Variants in MEIS2 observed in about 807,000 individuals in gnomAD.
The protein encoded by MEIS2 is Meis homeobox 2.
MEIS2 carries 9 observed loss-of-function variants against 58.6 expected under a neutral mutation model. The observed-to-expected ratio is 0.15, with a 90% confidence interval of 0.09 to 0.27. The LOEUF is 0.27. Among genes scored for constraint, MEIS2 ranks in the 10% least tolerant of loss-of-function variants. MEIS2 has a pLI of 1.00. For missense variants in MEIS2, 427 were observed against 635.0 expected (o/e 0.67, Z 3.52); for synonymous variants, 221 against 228.4 (o/e 0.97, Z 0.29).
chr15:37,038,327 G>T (rs1439867163), intron 7 of MEIS2, among the ~76,000 whole-genome samples: 1 of 152,170 alleles, frequency 6.6e-6, no homozygotes. Context: ...CAGCCATCCT[G>T]CCCACTGGGC....
intron 9 of MEIS2, among the ~76,000 whole-genome samples, chr15:36,940,417 T>C (rs1238866880): frequency 6.6e-6 from 1 of 152,114 alleles, no homozygotes; most frequent in East Asian, 1.9e-4. Context: ...CCAGTCTCGC[T>C]CCTCCCTGCA....
intron 8 of MEIS2, among the ~76,000 whole-genome samples, chr15:36,964,192 A>G (rs564251819): frequency 2.6e-5 from 4 of 152,248 alleles, no homozygotes; most frequent in Non-Finnish European, 4.4e-5. Flanking sequence ...CTAGATGTTT[A>G]CAAAAAAATG....
chr15:36,955,045 C>T (rs2122497), intron 8 of MEIS2, among the ~76,000 whole-genome samples: 34,481 of 152,110 alleles, frequency 0.23, 5,642 homozygotes, highest in East Asian at 0.78. Flanking sequence ...AGGGTACAGG[C>T]AGACATGCCA....
intron 7 of MEIS2, among the ~76,000 whole-genome samples, chr15:37,042,620 G>A (rs1376318045): frequency 6.6e-6 from 1 of 152,194 alleles, no homozygotes; most frequent in Non-Finnish European, 1.5e-5. Flanking sequence ...ATCAATGGCA[G>A]ATCCAAACAA....
At chr15:37,099,363 C>T (rs971281885) in intron 1 of MEIS2, 92 bp downstream of exon 1, 2 of 1,576,610 alleles carry the variant, frequency 1.3e-6, no homozygotes, top group African/African-American at 1.4e-5. Flanking sequence ...CAGCGAGCAG[C>T]AGCAGAAGCG....
intron 9 of MEIS2, among the ~76,000 whole-genome samples, chr15:36,900,789 G>T (rs1732988726): frequency 6.6e-6 from 1 of 152,180 alleles, no homozygotes; most frequent in South Asian, 2.1e-4. Flanking sequence ...TTACTCCGAA[G>T]TATGGTTCAG....
At chr15:37,000,926 C>CCT (rs1179067838) in intron 8 of MEIS2, among the ~76,000 whole-genome samples, 1 of 152,146 alleles carries the variant, frequency 6.6e-6, no homozygotes, top group Non-Finnish European at 1.5e-5. Flanking sequence ...TCTGTCCTTC[C>CCT]CTTCTTGCAA....
At chr15:36,951,155 C>A (rs75879504) in intron 8 of MEIS2, among the ~76,000 whole-genome samples, 13 of 152,228 alleles carry the variant, frequency 8.5e-5, no homozygotes, top group Non-Finnish European at 1.6e-4. Flanking sequence ...CACTTCCTAT[C>A]GAAATTCACC....
intron 9 of MEIS2, among the ~76,000 whole-genome samples, chr15:36,902,802 C>G (rs2056545516): frequency 6.6e-6 from 1 of 152,132 alleles, no homozygotes; most frequent in Non-Finnish European, 1.5e-5. Flanking sequence ...GCAATAAACA[C>G]TTTATAATAA....
intron 7 of MEIS2, among the ~76,000 whole-genome samples, chr15:37,053,129 T>C (rs1000417331): frequency 2.6e-5 from 4 of 152,192 alleles, no homozygotes; most frequent in African/African-American, 9.7e-5. Flanking sequence ...TCAGTAGGTT[T>C]ATTCATATAC....
chr15:36,928,931 A>G (rs986941159), intron 9 of MEIS2, among the ~76,000 whole-genome samples: 7 of 152,242 alleles, frequency 4.6e-5, no homozygotes, highest in Non-Finnish European at 1.0e-4. Context: ...GATCAAAAAA[A>G]GAAAGAAGGG....
intron 9 of MEIS2, among the ~76,000 whole-genome samples, chr15:36,919,154 C>T (rs1453389676): frequency 6.6e-6 from 1 of 151,802 alleles, no homozygotes; most frequent in African/African-American, 2.4e-5. Flanking sequence ...GTAGTCCAGC[C>T]AAGGTAACAG....
intron 8 of MEIS2, among the ~76,000 whole-genome samples, chr15:37,028,907 A>G (rs147582454): frequency 3.8e-3 from 426 of 111,468 alleles, no homozygotes; most frequent in African/African-American, 0.012. Context: ...TCCCATCCCC[A>G]CCCCTCAAAA....
intron 8 of MEIS2, among the ~76,000 whole-genome samples, chr15:37,009,064 C>T (rs1416639618): frequency 6.6e-6 from 1 of 152,014 alleles, no homozygotes; most frequent in Admixed American, 6.6e-5. Flanking sequence ...CCGAGGCGGG[C>T]AGATCACAAG....
At chr15:37,035,457 T>C (rs1039254857) in intron 8 of MEIS2, among the ~76,000 whole-genome samples, 3 of 152,214 alleles carry the variant, frequency 2.0e-5, no homozygotes, top group Non-Finnish European at 4.4e-5. Flanking sequence ...TACAGCCCTT[T>C]CAATTAGTCA....
intron 8 of MEIS2, among the ~76,000 whole-genome samples, chr15:36,989,010 T>G (rs976020443): frequency 7.2e-5 from 11 of 152,216 alleles, no homozygotes; most frequent in African/African-American, 2.4e-4. Flanking sequence ...GATCCACCAG[T>G]GATTACAAAG....
chr15:36,906,024 C>A (rs186511667), intron 9 of MEIS2, among the ~76,000 whole-genome samples: 1 of 152,168 alleles, frequency 6.6e-6, no homozygotes, highest in South Asian at 2.1e-4. Context: ...ATTAAAAGAA[C>A]GTGGAATGTT....
chr15:36,970,350 G>T (rs1409369081), intron 8 of MEIS2, among the ~76,000 whole-genome samples: 1 of 151,292 alleles, frequency 6.6e-6, no homozygotes, highest in South Asian at 2.1e-4. Flanking sequence ...CTTGCAGTGA[G>T]CCGAGATCGC....
At chr15:36,894,747 A>T in intron 11 of MEIS2, 1 of 1,613,730 alleles carries the variant, frequency 6.2e-7, no homozygotes, top group Non-Finnish European at 8.5e-7. Context: ...GCTTTACATG[A>T]TGAAGGTTAC....
Sources: allele counts gnomAD v4.1 joint callset (sites outside exome capture counted in the v4.1 genomes callset), GRCh38; gene constraint gnomAD v4.1.1; transcripts MANE v1.5; gene names NCBI Gene and HGNC (gene_info 2026-07-23, HGNC 2026-07-21).